SLC26A5: variants seen among roughly 807,000 people sequenced by gnomAD.
SLC26A5 encodes prestin.
Under a neutral mutation model 81.0 loss-of-function variants are expected in SLC26A5, and 51 were observed. The observed-to-expected ratio is 0.63, with a 90% CI of 0.50 to 0.80. The LOEUF (loss-of-function observed/expected upper bound fraction) is 0.80. Among genes scored for constraint, SLC26A5 ranks in the 30% least tolerant of loss-of-function variants. SLC26A5 has a pLI of 0.00. For synonymous variants in SLC26A5, 325 were observed against 332.8 expected (o/e 0.98, Z 0.25); for missense variants, 771 against 905.8 (o/e 0.85, Z 1.91).
At chr7:103,374,679 T>C in intron 19 of SLC26A5, 87 bp from the exon 20 acceptor site, 1 of 1,253,426 alleles carries the variant, frequency 8.0e-7, no homozygotes, top group Non-Finnish European at 1.1e-6. Flanking sequence ...ATATAGTGTT[T>C]TTTTTTTTGT....
intron 19 of SLC26A5, chr7:103,364,403 C>T: frequency 7.2e-7 from 1 of 1,382,956 alleles, no homozygotes; most frequent in Non-Finnish European, 9.9e-7. Context: ...GGATCCAGAC[C>T]TGAAATTTCT....
intron 8 of SLC26A5, among the ~76,000 whole-genome samples, chr7:103,403,515 G>T (rs1222399434): frequency 6.6e-6 from 1 of 152,132 alleles, no homozygotes; most frequent in African/African-American, 2.4e-5. Context: ...AAGTCTCTTT[G>T]TAGGTCTCTA....
chr7:103,439,706 GT>G (rs1340035992), intron 2 of SLC26A5, among the ~76,000 whole-genome samples: 1 of 152,110 alleles, frequency 6.6e-6, no homozygotes, highest in South Asian at 2.1e-4. Flanking sequence ...CCTAATTTTT[GT>G]GTTTTTAGTA....
At chr7:103,390,968 C>T (rs1198243992) in intron 11 of SLC26A5, among the ~76,000 whole-genome samples, 2 of 151,248 alleles carry the variant, frequency 1.3e-5, no homozygotes, top group Non-Finnish European at 1.5e-5. Context: ...TGGGTTCAAG[C>T]GATTCTCCCG....
chr7:103,398,433 C>A (rs966878221), intron 8 of SLC26A5, among the ~76,000 whole-genome samples: 2 of 152,204 alleles, frequency 1.3e-5, no homozygotes, highest in Non-Finnish European at 2.9e-5. Context: ...AAATGTACAT[C>A]TGGATTTAGA....
chr7:103,371,499 G>GT (rs963489275), downstream of SLC26A5, among the ~76,000 whole-genome samples: 2 of 150,334 alleles, frequency 1.3e-5, no homozygotes, highest in Non-Finnish European at 3.0e-5. Context: ...TAATTTTTTT[G>GT]TATTTTTAGC....
chr7:103,355,731 A>C (rs201584289), intron 19 of SLC26A5: 3 of 1,614,078 alleles, frequency 1.9e-6, no homozygotes, highest in African/African-American at 1.3e-5. Context: ...CCCCACCAGC[A>C]CTCTGGGATT....
chr7:103,371,387 C>G (rs1177073435), downstream of SLC26A5, among the ~76,000 whole-genome samples: 4 of 148,084 alleles, frequency 2.7e-5, no homozygotes, highest in East Asian at 2.0e-4. Context: ...TGCAGTGGCG[C>G]GATCTCGGCT....
chr7:103,366,078 G>T, intron 19 of SLC26A5: 1 of 1,609,980 alleles, frequency 6.2e-7, no homozygotes, highest in Non-Finnish European at 8.5e-7. Context: ...CTCATTAGGG[G>T]GCTCGAATGG....
intron 19 of SLC26A5, chr7:103,368,335 C>A: frequency 4.0e-6 from 1 of 247,054 alleles, no homozygotes; most frequent in East Asian, 8.5e-5. Flanking sequence ...TGGCCGGGTG[C>A]TCTACATATA....
chr7:103,441,096 A>G lies in SLC26A5; in HGVS notation c.-54+1987T>C, dbSNP rs10230733. ...TTAGCAAGCTTGAGAATAGGCTTAT[A>G]GCAGAGATAAGACTAATCGAGAAAG... On this transcript the variant is annotated intron_variant, in intron 2 of 19. Transcript: ENST00000306312. 8.9e-3 allele frequency among the ~76,000 whole-genome samples: 1,363 copies of G among 152,326 alleles called. 24 individuals are homozygous for G. Among genetic ancestry groups the G allele is most frequent in the African/African-American group, 0.031 (1,289 of 41,562 alleles).
intron 19 of SLC26A5, chr7:103,362,299 A>G (rs1469767789): frequency 7.2e-7 from 1 of 1,390,292 alleles, no homozygotes. Flanking sequence ...ACTGTTGTTT[A>G]TTATGAATGG....
rs1273239706 is a variant in SLC26A5, at chr7:103,413,018, G to A, written c.387C>T (p.Ser129=). ...AGCTTTTACCTATGGATATGTGTCT[G>A]GAGGTTCCAAGAAAACAATACATGA... ...PVIMYCFLGT[S]RHISIGPFAV... The change falls in exon 5 of 20, where the codon TCC becomes TCT. Residue 129 remains serine (S), a synonymous_variant. Coordinates refer to ENST00000306312, the MANE Select transcript of SLC26A5 (RefSeq NM_198999.3). 1.2e-6 allele frequency: 2 copies of A among 1,608,224 alleles called. No homozygotes were observed. The highest frequency in any genetic ancestry group is 3.3e-5 in the Admixed American group (2 of 60,006).
rs903105928 is a variant in SLC26A5 at position 103,375,018 on chromosome 7, GA to G, written c.2042-427del. ...TATATTTGGGGATAAGAAAAGTGGG[GA>G]AAAAATATATACACAAACACACACA... On this transcript the variant is annotated intron_variant, in intron 19 of 19. Transcript: ENST00000306312. 6.9e-5 allele frequency among the ~76,000 whole-genome samples: 10 copies of G among 145,230 alleles called. No individual in the cohort carries two copies. The East Asian group carries it at 1.0e-3, about 15-fold the overall frequency.
intron 8 of SLC26A5, among the ~76,000 whole-genome samples, chr7:103,402,048 T>G (rs988929046): frequency 6.6e-6 from 1 of 152,218 alleles, no homozygotes; most frequent in Non-Finnish European, 1.5e-5. Flanking sequence ...CTGCCAGGTT[T>G]TGGTAGCAGG....
chr7:103,400,363 C>T (rs6465916), intron 8 of SLC26A5, among the ~76,000 whole-genome samples: 115,015 of 152,184 alleles, frequency 0.76, 43,933 homozygotes, highest in Middle Eastern at 0.85. Context: ...GCTGCATAAA[C>T]GTCTTCTTTT....
In SLC26A5 at chr7:103,408,132, G is replaced by A. The variant is rs1824204885; in HGVS notation, c.736-129C>T. On this transcript the variant is annotated intron_variant, in intron 7 of 19. Coordinates refer to ENST00000306312, the MANE Select transcript of SLC26A5 (RefSeq NM_198999.3). Reference sequence around the variant, plus strand: ...ATTTCTAGTGGAAAGTTCCAAGGCTGAAATCTCTCTTTGTAGCTTCTACCA... The same window carrying A: ...ATTTCTAGTGGAAAGTTCCAAGGCTAAAATCTCTCTTTGTAGCTTCTACCA... The A allele has an allele frequency of 6.5e-5, 80 of 1,240,192 alleles. 1 individual carries two copies. The South Asian group carries it at 8.2e-4, about 13-fold the overall frequency. 76.8% of individuals were successfully genotyped at this position (1,240,192 alleles called of 1,614,324 possible).
At chr7:103,430,699 C>T (rs117285903) in intron 2 of SLC26A5, among the ~76,000 whole-genome samples, 2,351 of 142,662 alleles carry the variant, frequency 0.016, 26 homozygotes, top group South Asian at 0.031. Context: ...AAAAGGTAAA[C>T]GCTAATAAGA....
chr7:103,391,026 C>G (rs1320497801), intron 11 of SLC26A5, among the ~76,000 whole-genome samples: 1 of 152,088 alleles, frequency 6.6e-6, no homozygotes, highest in African/African-American at 2.4e-5. Context: ...CCACCATGCC[C>G]AGCTAATTTT....
Sources: allele counts gnomAD v4.1 joint callset (sites outside exome capture counted in the v4.1 genomes callset), GRCh38; gene constraint gnomAD v4.1.1; transcripts MANE v1.5; gene names NCBI Gene and HGNC (gene_info 2026-07-23, HGNC 2026-07-21).